Variants in FAM89A observed in about 807,000 individuals in gnomAD.
FAM89A encodes the protein protein FAM89A.
FAM89A carries 10 observed loss-of-function variants against 7.1 expected under a neutral mutation model. The observed-to-expected ratio is 1.40, with a 90% CI of 0.86 to 2.38. The LOEUF (loss-of-function observed/expected upper bound fraction) is 2.38, where lower values mean the gene tolerates loss of function less well. Among genes scored for constraint, FAM89A ranks in the 30% most tolerant of loss-of-function variants. The pLI is 0.00. For missense variants in FAM89A, 276 were observed against 262.8 expected, an observed-to-expected ratio of 1.05 and a Z score of -0.35; for synonymous variants, 157 against 129.3, an observed-to-expected ratio of 1.21 and a Z score of -1.45.
chr1:231,026,917 G>A (rs1212168933), intron 1 of FAM89A: 1 of 152,112 alleles, frequency 6.6e-6, no homozygotes, highest in African/African-American at 2.4e-5. Context: ...AGATCATCTG[G>A]AATCCTAGAT....
At chr1:231,025,418 A>G (rs1294796609) in intron 1 of FAM89A, among the ~76,000 whole-genome samples, 1 of 152,178 alleles carries the variant, frequency 6.6e-6, no homozygotes, top group Non-Finnish European at 1.5e-5. Context: ...GTGACCCTAT[A>G]TAAACTGTTG....
intron 1 of FAM89A, among the ~76,000 whole-genome samples, chr1:231,027,604 C>A (rs888042984): frequency 6.6e-6 from 1 of 152,212 alleles, no homozygotes; most frequent in Non-Finnish European, 1.5e-5. Context: ...AACCAGACTT[C>A]CTAGCCCGGG....
chr1:231,035,037 C>G (rs912085313), intron 1 of FAM89A, among the ~76,000 whole-genome samples: 1 of 152,184 alleles, frequency 6.6e-6, no homozygotes. Context: ...TCCCCTTATT[C>G]TAAATGGCAC....
In FAM89A at chr1:231,021,980, C is replaced by A; in HGVS notation, c.292-1854G>T. On this transcript the variant is annotated intron_variant, in intron 1 of 1. Coordinates refer to ENST00000366654, the MANE Select transcript of FAM89A (RefSeq NM_198552.3). ...CACCAGGGATGAGGGCGCTATAGGC[C>A]TCAGGCCCTCGGGTACTGTCGGTTG... 3.0e-6 allele frequency: 4 copies of A among 1,333,954 alleles called. No homozygotes were observed. In the South Asian group the frequency reaches 4.7e-5, roughly 16 times the overall value. 82.6% of individuals were successfully genotyped at this position (1,333,954 alleles called of 1,614,324 possible).
chr1:231,022,065 C>A, intron 1 of FAM89A: 1 of 1,415,862 alleles, frequency 7.1e-7, no homozygotes, highest in Non-Finnish European at 1.0e-6. Context: ...ATCGTTTCCA[C>A]AGAATGTGGC....
intron 1 of FAM89A, among the ~76,000 whole-genome samples, chr1:231,037,199 C>A (rs1331428407): frequency 2.0e-5 from 3 of 152,110 alleles, no homozygotes; most frequent in East Asian, 3.9e-4. Flanking sequence ...GCATCCAATT[C>A]TTTAATATAA....
chr1:231,036,024 G>T (rs1680151613), intron 1 of FAM89A, among the ~76,000 whole-genome samples: 1 of 152,168 alleles, frequency 6.6e-6, no homozygotes, highest in Non-Finnish European at 1.5e-5. Context: ...CAAAATTGAG[G>T]GTGGCCACTG....
intron 1 of FAM89A, among the ~76,000 whole-genome samples, chr1:231,032,387 C>A (rs1227641906): frequency 1.0e-5 from 1 of 95,384 alleles, no homozygotes; most frequent in Non-Finnish European, 2.2e-5. Context: ...CCCCCGCCAG[C>A]CCCCACCCCC....
At chr1:231,032,361 GCCCCACCCCACCCCGCCCCCGCCAGC>G (rs1680087731) in intron 1 of FAM89A, among the ~76,000 whole-genome samples, 1 of 137,402 alleles carries the variant, frequency 7.3e-6, no homozygotes, top group African/African-American at 2.7e-5. Context: ...ACTTTACACC[GCCCCACCCCACCCCGCCCCCGCCAGC>G]CCCCACCCCC....
intron 1 of FAM89A, among the ~76,000 whole-genome samples, chr1:231,024,797 C>G (rs546714141): frequency 6.6e-6 from 1 of 152,042 alleles, no homozygotes; most frequent in African/African-American, 2.4e-5. Flanking sequence ...CTTGGCCTCC[C>G]AAAGTGCTGG....
At chr1:231,022,238 T>A in intron 1 of FAM89A, 1 of 852,088 alleles carries the variant, frequency 1.2e-6, no homozygotes, top group Non-Finnish European at 2.0e-6. Flanking sequence ...TCCAGTGGTA[T>A]CTGCCTCCAT....
At chr1:231,021,890 A>G in intron 1 of FAM89A, 1 of 1,568,884 alleles carries the variant, frequency 6.4e-7, no homozygotes, top group Non-Finnish European at 8.8e-7. Flanking sequence ...CTGCATGGTG[A>G]GCAGTGACGA....
chr1:231,023,416 C>T (rs534944814), intron 1 of FAM89A, among the ~76,000 whole-genome samples: 3 of 152,320 alleles, frequency 2.0e-5, no homozygotes, highest in East Asian at 3.9e-4. Context: ...CGGTGGCTAA[C>T]GAGAGAGGCC....
chr1:231,028,005 T>C (rs1680003102), intron 1 of FAM89A, among the ~76,000 whole-genome samples: 1 of 152,230 alleles, frequency 6.6e-6, no homozygotes, highest in Non-Finnish European at 1.5e-5. Context: ...TTTGGATCTC[T>C]CAGCACCCAG....
intron 1 of FAM89A, chr1:231,026,962 G>A (rs1679986622): frequency 6.6e-6 from 1 of 152,120 alleles, no homozygotes; most frequent in Admixed American, 6.6e-5. Flanking sequence ...ACACCAGTAG[G>A]GTGGGTAAAC....
chr1:231,031,411 T>TA (rs1428520947), intron 1 of FAM89A, among the ~76,000 whole-genome samples: 1 of 152,216 alleles, frequency 6.6e-6, no homozygotes, highest in Non-Finnish European at 1.5e-5. Context: ...TCTATTACAT[T>TA]AAAACCCATC....
chr1:231,039,993 C>G lies in FAM89A; in HGVS notation c.219G>C (p.Gly73=). The G allele has an allele frequency of 7.2e-7, 1 of 1,385,140 alleles. No individual in the cohort carries two copies. The highest frequency in any genetic ancestry group is 9.3e-7 in the Non-Finnish European group (1 of 1,076,266). 85.8% of individuals were successfully genotyped at this position (1,385,140 alleles called of 1,614,324 possible). The change falls in exon 1 of 2, where the codon GGG becomes GGC. Residue 73 remains glycine, a synonymous_variant. Transcript: ENST00000366654. ...ELSRGGPGGG[G]ARAAALPAKP... is the part of the protein sequence containing the mutation. ...TGGCGGGCAGCGCTGCCGCCCGGGCCCCGCCGCCGCCCGGGCCCCCGCGGC... is the reference window on the plus strand; with the variant it reads ...TGGCGGGCAGCGCTGCCGCCCGGGCGCCGCCGCCGCCCGGGCCCCCGCGGC...
intron 1 of FAM89A, among the ~76,000 whole-genome samples, chr1:231,033,361 G>T (rs913428880): frequency 2.6e-5 from 4 of 152,210 alleles, no homozygotes; most frequent in African/African-American, 9.6e-5. Flanking sequence ...TCAAAGTGGG[G>T]TCTAAAGTCT....
intron 1 of FAM89A, 91 bp downstream of exon 1, chr1:231,039,830 G>C (rs115863164): frequency 3.3e-6 from 4 of 1,195,500 alleles, no homozygotes; most frequent in African/African-American, 1.6e-5. Context: ...GGGTGGGCGC[G>C]GGGACTTCCG....
Sources: allele counts gnomAD v4.1 joint callset (sites outside exome capture counted in the v4.1 genomes callset), GRCh38; gene constraint gnomAD v4.1.1; transcripts MANE v1.5; gene names NCBI Gene and HGNC (gene_info 2026-07-23, HGNC 2026-07-21).